Variants in KIF13A observed in about 807,000 individuals in gnomAD.
KIF13A encodes kinesin family member 13A.
Under a neutral mutation model 212.2 loss-of-function variants are expected in KIF13A, and 79 were observed. That is an observed-to-expected ratio of 0.37 (90% CI 0.31 to 0.45). The LOEUF is 0.45. Ranked by LOEUF, KIF13A falls within the 20% of genes least tolerant of loss-of-function variation. The pLI is 1.00. For synonymous variants in KIF13A, 789 were observed against 808.6 expected, an observed-to-expected ratio of 0.98 and a Z score of 0.41; for missense variants, 1,901 against 2,209.0, an observed-to-expected ratio of 0.86 and a Z score of 2.79.
chr6:17,951,121 T>G lies in KIF13A; in HGVS notation c.146+35933A>C. 1 of 1,184,632 alleles carries G rather than the reference T, an allele frequency of 8.4e-7. No individual in the cohort carries two copies. Among genetic ancestry groups the G allele is most frequent in the Non-Finnish European group, 1.0e-6 (1 of 958,596 alleles). The allele number at this position is 1,184,632 out of a possible 1,614,324, so 73.4% of individuals were successfully genotyped here. A position where few individuals can be genotyped will look rare whatever the true frequency, so the allele number is the denominator to read the frequency against. ...TTTGCCAACCATCCATTTATTCATA[T>G]GTGGGGTCTGATGCAATTCACCTCA... On this transcript the variant is annotated intron_variant, in intron 2 of 38. Coordinates refer to ENST00000259711, the MANE Select transcript of KIF13A (RefSeq NM_022113.6). This position sits in a 1 kb window ranked among gnomAD's most constrained non-coding sequence, Gnocchi z 4.9.
intron 20 of KIF13A, 25 bp from the exon 21 acceptor site, chr6:17,800,138 T>C (rs754538511): frequency 1.7e-5 from 27 of 1,607,424 alleles, no homozygotes; most frequent in Middle Eastern, 1.7e-4. Context: ...CAGAGCACCT[T>C]AGAGTGAACA....
At position 17,777,270 on chromosome 6, in the gene KIF13A, C is replaced by A; in HGVS notation, c.4170+7G>T. The A allele has an allele frequency of 1.2e-6, 2 of 1,607,478 alleles. No homozygotes were observed. Among genetic ancestry groups the A allele is most frequent in the Middle Eastern group, 1.7e-4 (1 of 6,058 alleles). ...ATAGGAGCAGATCCTTGGCAGGATG[C>A]ACTTACATTATGAACATTTGGTGTA... On this transcript the variant is annotated splice_region_variant and intron_variant, in intron 34 of 38. Transcript: ENST00000259711. This position sits in a 1 kb window ranked among gnomAD's most constrained non-coding sequence, Gnocchi z 4.4.
chr6:17,944,349 A>G (rs966131191), intron 2 of KIF13A, among the ~76,000 whole-genome samples: 15 of 152,230 alleles, frequency 9.9e-5, no homozygotes, highest in Non-Finnish European at 2.1e-4. Context: ...TCCTGAGTTC[A>G]GTATGCCCCA....
chr6:17,788,315 CAT>C (rs1251819864), intron 26 of KIF13A, among the ~76,000 whole-genome samples: 1 of 152,150 alleles, frequency 6.6e-6, no homozygotes, highest in Non-Finnish European at 1.5e-5. Context: ...GGTCTGATAA[CAT>C]AGATTTTCTG....
At chr6:17,822,043 C>CTTTTT (rs565299308) in intron 16 of KIF13A, 77,697 of 576,356 alleles carry the variant, frequency 0.13, 3,061 homozygotes, top group South Asian at 0.19. Flanking sequence ...AACATAACTT[C>CTTTTT]TTTTTTTTTT....
Position 17,862,197 on chromosome 6 carries a change from C to T in KIF13A, c.221-6075G>A, listed in dbSNP as rs190401547. Among the ~76,000 whole-genome samples the T allele has an allele frequency of 2.7e-3, 408 of 152,140 alleles. 3 individuals carry two copies. Among genetic ancestry groups the T allele is most frequent in the African/African-American group, 9.0e-3 (375 of 41,496 alleles). ...CTGTTTTTACAATTTGACTTTCAAA[C>T]CTGAGTTTTACTTCTTACCAGCTAT... On this transcript the variant is annotated intron_variant, in intron 4 of 38. Transcript: ENST00000259711.
At chr6:17,950,909 C>T in intron 2 of KIF13A, 4 of 982,418 alleles carry the variant, frequency 4.1e-6, no homozygotes, top group Non-Finnish European at 4.8e-6. Context: ...CCGTATCCAC[C>T]CACCCAGAGA....
intron 17 of KIF13A, among the ~76,000 whole-genome samples, chr6:17,813,029 G>T (rs1162001199): frequency 6.6e-6 from 1 of 152,142 alleles, no homozygotes; most frequent in Non-Finnish European, 1.5e-5. Context: ...TAAATAGAAA[G>T]GATATCAATG....
At chr6:17,807,958 CAA>C (rs1431872068) in intron 18 of KIF13A, among the ~76,000 whole-genome samples, 1 of 152,196 alleles carries the variant, frequency 6.6e-6, no homozygotes, top group Admixed American at 6.5e-5. Context: ...CAATTTTCTT[CAA>C]AGTTTCTCCC....
At chr6:17,821,939 C>A in intron 16 of KIF13A, 1 of 1,534,190 alleles carries the variant, frequency 6.5e-7, no homozygotes. Context: ...TGAACACCGT[C>A]CAGCCACCGG....
intron 2 of KIF13A, among the ~76,000 whole-genome samples, chr6:17,911,838 C>A (rs1004888438): frequency 4.0e-5 from 6 of 150,338 alleles, no homozygotes; most frequent in Admixed American, 1.3e-4. Flanking sequence ...GATCTTGACT[C>A]ACTGCAACCT....
chr6:17,985,518 G>A (rs1006099280), intron 2 of KIF13A, among the ~76,000 whole-genome samples: 17 of 151,866 alleles, frequency 1.1e-4, no homozygotes, highest in African/African-American at 3.1e-4. Flanking sequence ...AAGCCAGCAA[G>A]GAAAACAAGT....
At chr6:17,767,219 T>C (rs1206932245) in intron 38 of KIF13A, among the ~76,000 whole-genome samples, 2 of 152,138 alleles carry the variant, frequency 1.3e-5, no homozygotes, top group Non-Finnish European at 2.9e-5. Context: ...CTATATTTTC[T>C]AGATTCTCTA....
intron 4 of KIF13A, among the ~76,000 whole-genome samples, chr6:17,865,574 C>T (rs1769282589): frequency 6.6e-6 from 1 of 152,194 alleles, no homozygotes. Flanking sequence ...AAATTCCTTT[C>T]TCAAAAATCT....
At chr6:17,966,265 G>A (rs944828993) in intron 2 of KIF13A, among the ~76,000 whole-genome samples, 24 of 152,032 alleles carry the variant, frequency 1.6e-4, no homozygotes, top group African/African-American at 4.1e-4. Context: ...GTATGTATGC[G>A]TTATTTTTTA....
At chr6:17,846,625 A>AG (rs1767097727) in intron 9 of KIF13A, among the ~76,000 whole-genome samples, 2 of 141,548 alleles carry the variant, frequency 1.4e-5, no homozygotes, top group African/African-American at 2.6e-5. Context: ...AAAAAAAAAA[A>AG]GGGAAGGAAG....
chr6:17,904,977 A>G (rs546066084), intron 2 of KIF13A, among the ~76,000 whole-genome samples: 2 of 152,336 alleles, frequency 1.3e-5, no homozygotes, highest in South Asian at 2.1e-4. Context: ...GTCAATTCCA[A>G]CTTGGAGAAC....
chr6:17,779,675 G>A lies in KIF13A; in HGVS notation c.3856C>T (p.Gln1286Ter). Residue 1286 changes from glutamine (Q) to a stop codon, truncating the protein, a stop_gained, in exon 32 of 39, where the codon CAG becomes TAG. Coordinates refer to ENST00000259711, the MANE Select transcript of KIF13A (RefSeq NM_022113.6). LOFTEE classifies it high-confidence loss of function. ...AGGGATATTCTCCTCTTCAAACTCT[G>A]CGTGAAACTCTAGTAGAAAAAAAAA... is the stretch of plus-strand genomic sequence containing the variant. Reference protein sequence around the residue: ...ANIYNKQSFTQSLKRRISLKN... With the variant: ...ANIYNKQSFT 7.0e-7 allele frequency: 1 copy of A among 1,432,564 alleles called. No homozygotes were observed. The allele number at this position is 1,432,564 out of a possible 1,614,324, so 88.7% of individuals were successfully genotyped here.
chr6:17,808,736 A>G (rs747348470), intron 18 of KIF13A, 32 bp downstream of exon 18: 30 of 1,596,658 alleles, frequency 1.9e-5, no homozygotes, highest in African/African-American at 4.0e-5. Context: ...ACTATTGTGC[A>G]TCTTGCCCTC....
Sources: allele counts gnomAD v4.1 joint callset (sites outside exome capture counted in the v4.1 genomes callset), GRCh38; gene constraint gnomAD v4.1.1; non-coding constraint Gnocchi (gnomAD v3.1); transcripts MANE v1.5; gene names NCBI Gene and HGNC (gene_info 2026-07-23, HGNC 2026-07-21).